PEAK1: variants seen among roughly 807,000 people sequenced by gnomAD.
The protein encoded by PEAK1 is pseudopodium enriched atypical kinase 1.
Under a neutral mutation model 124.7 loss-of-function variants are expected in PEAK1, and 54 were observed. The observed-to-expected ratio is 0.43, with a 90% CI of 0.35 to 0.54. The LOEUF (loss-of-function observed/expected upper bound fraction) is 0.54. Among genes scored for constraint, PEAK1 ranks in the 20% least tolerant of loss-of-function variants. The pLI is 0.01. For missense variants in PEAK1, 2,046 were observed against 2,134.5 expected, an observed-to-expected ratio of 0.96 and a Z score of 0.82; for synonymous variants, 719 against 760.0, an observed-to-expected ratio of 0.95 and a Z score of 0.89.
intron 6 of PEAK1, among the ~76,000 whole-genome samples, chr15:77,203,459 C>T (rs2058470025): frequency 1.3e-5 from 2 of 151,770 alleles, no homozygotes; most frequent in South Asian, 4.2e-4. Flanking sequence ...AGAGCACAAC[C>T]CAAAGAATAA....
chr15:77,246,008 C>T (rs1051136481), intron 6 of PEAK1, among the ~76,000 whole-genome samples: 1 of 150,994 alleles, frequency 6.6e-6, no homozygotes, highest in Non-Finnish European at 1.5e-5. Flanking sequence ...AAAATACCTG[C>T]TAGACTTTTT....
chr15:77,350,959 CTTCA>C, intron 2 of PEAK1: 1 of 984,792 alleles, frequency 1.0e-6, no homozygotes, highest in Non-Finnish European at 1.2e-6. Flanking sequence ...TAATTACACT[CTTCA>C]TTCAATACAC....
rs145051232 is a variant in PEAK1 at position 77,250,799 on chromosome 15, C to T, written c.-115+1568G>A. ...GGTCAGGCTGGTCTTGAACTCCTGA[C>T]CTCAAGTGATCCGCCTGCCTTGGCC... On this transcript the variant is annotated intron_variant, in intron 6 of 9. Coordinates refer to ENST00000682557, the MANE Select transcript of PEAK1 (RefSeq NM_001385026.1). Among the ~76,000 whole-genome samples the T allele has an allele frequency of 5.2e-3, 787 of 151,880 alleles. 9 individuals are homozygous for T. Among genetic ancestry groups the T allele is most frequent in the African/African-American group, 0.018 (759 of 41,412 alleles).
At chr15:77,372,404 T>C (rs1235271417) in intron 1 of PEAK1, among the ~76,000 whole-genome samples, 2 of 152,120 alleles carry the variant, frequency 1.3e-5, no homozygotes, top group Admixed American at 1.3e-4. Flanking sequence ...TAAGCAAAAT[T>C]AGTTTCATGA....
At chr15:77,147,864 T>C (rs990940604) in intron 8 of PEAK1, among the ~76,000 whole-genome samples, 1 of 152,232 alleles carries the variant, frequency 6.6e-6, no homozygotes, top group African/African-American at 2.4e-5. Flanking sequence ...AATAGAACTT[T>C]GTGTAACAAT....
intron 7 of PEAK1, among the ~76,000 whole-genome samples, chr15:77,170,768 G>A (rs1346130770): frequency 6.6e-6 from 1 of 152,106 alleles, no homozygotes; most frequent in Non-Finnish European, 1.5e-5. Context: ...TTAGCTCAGA[G>A]ATACTAAGTC....
intron 2 of PEAK1, among the ~76,000 whole-genome samples, chr15:77,305,639 T>C (rs2064058033): frequency 6.6e-6 from 1 of 152,146 alleles, no homozygotes; most frequent in East Asian, 1.9e-4. Flanking sequence ...GAGTAGGACA[T>C]GGGGAGAACA....
intron 2 of PEAK1, among the ~76,000 whole-genome samples, chr15:77,292,403 A>C (rs1226759451): frequency 2.0e-5 from 3 of 152,148 alleles, no homozygotes; most frequent in Non-Finnish European, 4.4e-5. Flanking sequence ...TCTTGCATAG[A>C]TATATCACAG....
At chr15:77,395,362 G>A (rs1224981719) in intron 1 of PEAK1, among the ~76,000 whole-genome samples, 20 of 152,180 alleles carry the variant, frequency 1.3e-4, no homozygotes, top group Admixed American at 8.5e-4. Flanking sequence ...AGGAGGCAGA[G>A]AGAGAGAGGG....
In PEAK1 at chr15:77,108,289, A is replaced by G. The variant is rs970785615; in HGVS notation, c.*5867T>C. Reference sequence around the variant, plus strand: ...GAGGACCTTTCAATGATAGATTTATACAACTTTACAATATGTAAGTAGAGG... The same window carrying G: ...GAGGACCTTTCAATGATAGATTTATGCAACTTTACAATATGTAAGTAGAGG... On this transcript the variant is annotated 3_prime_UTR_variant, in exon 10 of 10. Transcript: ENST00000682557. 3 of 152,254 alleles carry G rather than the reference A, an allele frequency of 2.0e-5. No individual in the cohort carries two copies. The highest frequency in any genetic ancestry group is 4.4e-5 in the Non-Finnish European group (3 of 68,050). 9.4% of individuals were successfully genotyped at this position (152,254 alleles called of 1,614,324 possible).
intron 1 of PEAK1, among the ~76,000 whole-genome samples, chr15:77,414,522 G>C (rs1002433067): frequency 6.6e-6 from 1 of 151,622 alleles, no homozygotes; most frequent in African/African-American, 2.4e-5. Context: ...CCCAATTACT[G>C]TATTTTCTAT....
chr15:77,402,767 C>T (rs571568818), intron 1 of PEAK1: 628 of 985,288 alleles, frequency 6.4e-4, no homozygotes, highest in Non-Finnish European at 7.3e-4. Flanking sequence ...TCATACTGCA[C>T]ATGCCATTTT....
intron 6 of PEAK1, among the ~76,000 whole-genome samples, chr15:77,207,609 C>T (rs1250002090): frequency 6.6e-6 from 1 of 151,948 alleles, no homozygotes; most frequent in Non-Finnish European, 1.5e-5. Context: ...AAATATATGA[C>T]ATTCTGGAAA....
intron 2 of PEAK1, chr15:77,355,619 G>A: frequency 3.3e-6 from 1 of 303,788 alleles, no homozygotes; most frequent in Non-Finnish European, 4.8e-6. Flanking sequence ...CTTTGCTGCA[G>A]CCAGCTCACA....
Position 77,121,773 on chromosome 15 carries a change from T to C in PEAK1, c.4078-6454A>G, listed in dbSNP as rs1387153569. 2.6e-5 allele frequency among the ~76,000 whole-genome samples: 4 copies of C among 152,224 alleles called. No homozygotes were observed. In the East Asian group the frequency reaches 7.7e-4, roughly 29 times the overall value. On this transcript the variant is annotated intron_variant, in intron 9 of 9. Transcript: ENST00000682557. ...ATCAGCAGGGAATCTCATTTCCATC[T>C]CACTCTATGCATTCTATAGTGCCTC...
At chr15:77,152,917 C>T (rs2054783846) in intron 8 of PEAK1, among the ~76,000 whole-genome samples, 1 of 152,136 alleles carries the variant, frequency 6.6e-6, no homozygotes, top group African/African-American at 2.4e-5. Flanking sequence ...ATTTTTGCAT[C>T]AATGTTCATC....
At chr15:77,231,930 A>G (rs34870981) in intron 6 of PEAK1, among the ~76,000 whole-genome samples, 41,274 of 152,100 alleles carry the variant, frequency 0.27, 6,648 homozygotes, top group Middle Eastern at 0.38. Flanking sequence ...TTAAATAGAT[A>G]TACAGTGAAA....
At chr15:77,375,761 C>T (rs183182104) in intron 1 of PEAK1, among the ~76,000 whole-genome samples, 1,736 of 152,068 alleles carry the variant, frequency 0.011, 28 homozygotes, top group African/African-American at 0.039. Flanking sequence ...TTTGGGAGGC[C>T]GAGGCGGGTG....
intron 7 of PEAK1, among the ~76,000 whole-genome samples, chr15:77,172,396 T>C (rs983135367): frequency 1.3e-4 from 20 of 152,248 alleles, no homozygotes; most frequent in African/African-American, 3.9e-4. Context: ...TGGTGGCAGA[T>C]ATAAGTTTTT....
Sources: gnomAD v4.1 joint callset for allele counts (sites outside exome capture counted in the v4.1 genomes callset) on GRCh38, gnomAD v4.1.1 for gene constraint, MANE v1.5 for transcripts, NCBI Gene and HGNC (gene_info 2026-07-23, HGNC 2026-07-21) for gene names.